ERLEC1: variants seen among roughly 807,000 people sequenced by gnomAD.
The protein encoded by ERLEC1 is ER lectin.
In ERLEC1, 47 loss-of-function variants were observed where a neutral mutation model predicts 68.0. The observed-to-expected ratio is 0.69, with a 90% CI of 0.55 to 0.88. The LOEUF is 0.88. Among genes scored for constraint, ERLEC1 ranks in the 40% least tolerant of loss-of-function variants. The pLI is 0.00. For missense variants in ERLEC1, 567 were observed against 583.8 expected (o/e 0.97, Z 0.30); for synonymous variants, 225 against 203.2 (o/e 1.11, Z -0.91).
chr2:53,803,163 G>C (rs982461692), intron 8 of ERLEC1, among the ~76,000 whole-genome samples: 2 of 152,168 alleles, frequency 1.3e-5, no homozygotes, highest in Non-Finnish European at 2.9e-5. Flanking sequence ...CCAGAAGGCA[G>C]AAGAAACATA....
intron 13 of ERLEC1, 60 bp downstream of exon 13, chr2:53,814,995 C>CTTTTTTTTTTTTTTTTTTTTTTTTTTTT (rs777632156): frequency 2.8e-5 from 13 of 470,068 alleles, no homozygotes; most frequent in Admixed American, 8.9e-5. Context: ...ATTTTTTTTT[C>CTTTTTTTTTTTTTTTTTTTTTTTTTTTT]TTTTTTTTTT....
At chr2:53,810,382 T>C (rs1676528066) in intron 10 of ERLEC1, among the ~76,000 whole-genome samples, 1 of 152,198 alleles carries the variant, frequency 6.6e-6, no homozygotes, top group Non-Finnish European at 1.5e-5. Flanking sequence ...ATTATACTTT[T>C]TGAGTTCTTT....
Position 53,814,985 on chromosome 2 carries a change from ATTTTTTTTTCTT to A in ERLEC1, c.1380+60_1380+71del. On this transcript the variant is annotated intron_variant, in intron 13 of 13. Coordinates refer to ENST00000185150, the MANE Select transcript of ERLEC1 (RefSeq NM_015701.5). ...AAATTCCATTTTGAGCCATGTTTTA[ATTTTTTTTTCTT>A]TTTTTTTTTTTTTTTTTTTGTTTTT... is the stretch of plus-strand genomic sequence containing the variant. 7 of 967,256 alleles carry A rather than the reference ATTTTTTTTTCTT, an allele frequency of 7.2e-6. No individual in the cohort carries two copies. The South Asian group carries it at 1.1e-4, about 15-fold the overall frequency. The allele number at this position is 967,256 out of a possible 1,614,324, so 59.9% of individuals were successfully genotyped here.
chr2:53,814,985 A>ATTTTTTTTCTTTTTTTTTTTT, intron 13 of ERLEC1, 50 bp downstream of exon 13: 1 of 967,256 alleles, frequency 1.0e-6, no homozygotes, highest in Non-Finnish European at 1.5e-6. Context: ...CCATGTTTTA[A>ATTTTTTTTCTTTTTTTTTTTT]TTTTTTTTTC....
At position 53,818,593 on chromosome 2, in the gene ERLEC1, C is replaced by CT. The variant is rs1232055373; in HGVS notation, c.*630dup. 2 of 152,114 alleles carry CT rather than the reference C, an allele frequency of 1.3e-5. No homozygotes were observed. Among genetic ancestry groups the CT allele is most frequent in the Non-Finnish European group, 2.9e-5 (2 of 68,032 alleles). 9.4% of individuals were successfully genotyped at this position (152,114 alleles called of 1,614,324 possible). ...TCTCTCTCAGAACTTTTATCTATTACTTTTTTCTTCTTATGAGTATGTTTA... is the reference window on the plus strand; with the variant it reads ...TCTCTCTCAGAACTTTTATCTATTACTTTTTTTCTTCTTATGAGTATGTTTA... On this transcript the variant is annotated 3_prime_UTR_variant, in exon 14 of 14. Transcript: ENST00000185150.
In ERLEC1 at chr2:53,801,443, TG is replaced by T; in HGVS notation, c.575del (p.Gly192GlufsTer10). On this transcript the variant is annotated frameshift_variant, in exon 7 of 14. Transcript: ENST00000185150. LOFTEE classifies it high-confidence loss of function. ...IEGQMTPYYP[V>X]GMGNGTPCSL... ...GGTCAGATGACACCATACTATCCTG[TG>T]GGAATGGGAAATGGTACACCTTGTA... The T allele has an allele frequency of 6.2e-7, 1 of 1,614,016 alleles. No homozygotes were observed. Among genetic ancestry groups the T allele is most frequent in the Non-Finnish European group, 8.5e-7 (1 of 1,179,940 alleles).
chr2:53,808,605 A>C (rs1573096967), intron 9 of ERLEC1, 145 bp downstream of exon 9: 1 of 746,436 alleles, frequency 1.3e-6, no homozygotes, highest in East Asian at 2.7e-5. Flanking sequence ...TTCTTTTTGC[A>C]GTCTCATACC....
chr2:53,793,855 C>T (rs1180237354), intron 1 of ERLEC1, among the ~76,000 whole-genome samples: 2 of 152,052 alleles, frequency 1.3e-5, no homozygotes, highest in Non-Finnish European at 2.9e-5. Context: ...GATAAAACCA[C>T]CAAAAAGAAT....
At position 53,809,286 on chromosome 2, in the gene ERLEC1, A is replaced by C; in HGVS notation, c.1101+13A>C. On this transcript the variant is annotated intron_variant, in intron 10 of 13. Coordinates refer to ENST00000185150, the MANE Select transcript of ERLEC1 (RefSeq NM_015701.5). ...TCAATACCATGAGGTATAGAATAGC[A>C]TTTATATATCATTCTACCACTAGAT... 1 of 1,510,838 alleles carries C rather than the reference A, an allele frequency of 6.6e-7. No homozygotes were observed. Among genetic ancestry groups the C allele is most frequent in the Admixed American group, 2.5e-5 (1 of 39,678 alleles). 93.6% of individuals were successfully genotyped at this position (1,510,838 alleles called of 1,614,324 possible). A position where few individuals can be genotyped will look rare whatever the true frequency, so the allele number is the denominator to read the frequency against.
intron 1 of ERLEC1, among the ~76,000 whole-genome samples, chr2:53,792,199 G>A (rs1476554935): frequency 2.0e-5 from 3 of 149,772 alleles, no homozygotes; most frequent in African/African-American, 7.4e-5. Flanking sequence ...TTACCGGCGT[G>A]AGCCACCGCG....
At position 53,789,036 on chromosome 2, in the gene ERLEC1, C is replaced by T. The variant is rs1675239505; in HGVS notation, c.162+1664C>T. The stretch of plus-strand genomic sequence containing the variant: ...AGAGGTCACTACCAAATTGTCATTC[C>T]ATTTTCTTTCAGTCTTAGCATTTGC... On this transcript the variant is annotated intron_variant, in intron 1 of 13. Coordinates refer to ENST00000185150, the MANE Select transcript of ERLEC1 (RefSeq NM_015701.5). Among the ~76,000 whole-genome samples, 3 of 151,972 alleles carry T rather than the reference C, an allele frequency of 2.0e-5. No individual in the cohort carries two copies. The South Asian group carries it at 6.2e-4, about 32-fold the overall frequency.
chr2:53,815,525 A>T lies in ERLEC1; in HGVS notation c.1380+590A>T, dbSNP rs116235589. 7.3e-3 allele frequency among the ~76,000 whole-genome samples: 1,115 copies of T among 152,308 alleles called. 17 individuals carry two copies. The highest frequency in any genetic ancestry group is 0.026 in the African/African-American group (1,069 of 41,556). On this transcript the variant is annotated intron_variant, in intron 13 of 13. Transcript: ENST00000185150. ...CCATGTAACTATCACCCAAAACAAGATATGTCACTGCAGAAAGTTCTATCA... is the reference window on the plus strand; with the variant it reads ...CCATGTAACTATCACCCAAAACAAGTTATGTCACTGCAGAAAGTTCTATCA...
chr2:53,803,785 C>T (rs894109559), intron 8 of ERLEC1, among the ~76,000 whole-genome samples: 1 of 152,072 alleles, frequency 6.6e-6, no homozygotes, highest in African/African-American at 2.4e-5. Context: ...TTTAATCTGC[C>T]AGTCAAGAAA....
intron 13 of ERLEC1, among the ~76,000 whole-genome samples, chr2:53,815,906 A>G (rs906214501): frequency 1.3e-5 from 2 of 152,230 alleles, no homozygotes; most frequent in African/African-American, 4.8e-5. Context: ...ACTTCTCAAC[A>G]CATCTTAACA....
chr2:53,803,301 T>G (rs1256021974), intron 8 of ERLEC1, among the ~76,000 whole-genome samples: 1 of 152,176 alleles, frequency 6.6e-6, no homozygotes, highest in Non-Finnish European at 1.5e-5. Flanking sequence ...ATTCCACAGT[T>G]TAATTTGAAA....
chr2:53,810,068 C>CA (rs760678138), intron 10 of ERLEC1, among the ~76,000 whole-genome samples: 71 of 152,060 alleles, frequency 4.7e-4, no homozygotes, highest in Non-Finnish European at 9.1e-4. Context: ...CGAGACTCCT[C>CA]AAAAAACCAA....
chr2:53,798,895 G>A, intron 5 of ERLEC1, 152 bp from the exon 6 acceptor site: 3 of 497,118 alleles, frequency 6.0e-6, no homozygotes, highest in Non-Finnish European at 7.0e-6. Context: ...ACCATTTCAA[G>A]GAAACTAGCT....
chr2:53,789,587 T>G (rs1675274090), intron 1 of ERLEC1, among the ~76,000 whole-genome samples: 2 of 152,140 alleles, frequency 1.3e-5, no homozygotes, highest in African/African-American at 4.8e-5. Context: ...TGTGCTACTT[T>G]GAGAAAAATC....
At chr2:53,807,864 A>ACAG (rs1456099684) in intron 8 of ERLEC1, among the ~76,000 whole-genome samples, 1 of 151,802 alleles carries the variant, frequency 6.6e-6, no homozygotes, top group African/African-American at 2.4e-5. Flanking sequence ...AACAACAACA[A>ACAG]CAACAACAAA....
Sources: gnomAD v4.1 joint callset for allele counts (sites outside exome capture counted in the v4.1 genomes callset) on GRCh38, gnomAD v4.1.1 for gene constraint, MANE v1.5 for transcripts, NCBI Gene and HGNC (gene_info 2026-07-23, HGNC 2026-07-21) for gene names.